The following PCDHA2 variants were observed in gnomAD, a reference collection of about 807,000 sequenced individuals.
PCDHA2 encodes protocadherin alpha 2, also known as protocadherin alpha-2.
A neutral mutation model predicts 66.0 loss-of-function variants in PCDHA2; 58 were observed. That is an observed-to-expected ratio of 0.88 (90% CI 0.71 to 1.09). PCDHA2 has a LOEUF of 1.09. Among genes scored for constraint, PCDHA2 ranks in the 50% least tolerant of loss-of-function variants. The pLI, the probability that PCDHA2 is intolerant of heterozygous loss-of-function variation, is 0.00. For missense variants in PCDHA2, 1,267 were observed against 1,242.3 expected (o/e 1.02, Z -0.30); for synonymous variants, 634 against 554.0 (o/e 1.14, Z -2.03).
chr5:140,805,698 GAATT>G (rs782460054), intron 1 of PCDHA2: 697 of 650,068 alleles, frequency 1.1e-3, no homozygotes, highest in Non-Finnish European at 1.3e-3. Context: ...TGATTACCAA[GAATT>G]AGAATAAAAA....
At chr5:140,883,130 G>C in intron 1 of PCDHA2, 1 of 1,614,062 alleles carries the variant, frequency 6.2e-7, no homozygotes, top group Non-Finnish European at 8.5e-7. Flanking sequence ...TGTATGGCCT[G>C]CAGTGGTATA....
intron 1 of PCDHA2, chr5:140,851,028 C>G: frequency 7.1e-7 from 1 of 1,410,134 alleles, no homozygotes. Flanking sequence ...AAAGTAAACC[C>G]CTTAACATTG....
At position 140,856,397 on chromosome 5, in the gene PCDHA2, C is replaced by T. The variant is rs782776522; in HGVS notation, c.2388+59045C>T. On this transcript the variant is annotated intron_variant, in intron 1 of 3. Coordinates refer to ENST00000526136, the MANE Select transcript of PCDHA2 (RefSeq NM_018905.3). ...CGTGGACAGGCCGCTGCAGGTTTTC[C>T]ATGTGGACGTGGAAGTGAAGGACAT... 3.6e-5 allele frequency: 58 copies of T among 1,598,382 alleles called. 7 individuals carry two copies. In the Admixed American group the frequency reaches 4.9e-4, roughly 13 times the overall value.
intron 1 of PCDHA2, among the ~76,000 whole-genome samples, chr5:140,956,583 C>T (rs155799): frequency 0.28 from 42,736 of 152,052 alleles, 6,865 homozygotes; most frequent in East Asian, 0.53. Context: ...TGCATTGATG[C>T]TTATCAGGGA....
chr5:140,927,309 C>T (rs2084071798), intron 1 of PCDHA2: 4 of 1,614,058 alleles, frequency 2.5e-6, no homozygotes, highest in Admixed American at 1.7e-5. Context: ...TCCTGACGCC[C>T]GGAGCCCGCT....
At chr5:140,862,592 A>T (rs1554156626) in intron 1 of PCDHA2, 1 of 507,612 alleles carries the variant, frequency 2.0e-6, no homozygotes, top group Non-Finnish European at 4.0e-6. Context: ...CAGCCCGAGT[A>T]CATGGTGTTC....
intron 3 of PCDHA2, chr5:140,988,966 GGA>G (rs1339632887): frequency 2.0e-5 from 3 of 152,162 alleles, no homozygotes; most frequent in African/African-American, 7.2e-5. Flanking sequence ...GCCCCACGAT[GGA>G]GAGAAGCAGG....
At chr5:140,869,548 G>T in intron 1 of PCDHA2, 1 of 1,614,202 alleles carries the variant, frequency 6.2e-7, no homozygotes, top group Non-Finnish European at 8.5e-7. Flanking sequence ...TAAGCAATCG[G>T]ACTCGCGTTT....
chr5:140,931,759 T>C (rs2087738384), intron 1 of PCDHA2, among the ~76,000 whole-genome samples: 2 of 151,994 alleles, frequency 1.3e-5, no homozygotes, highest in African/African-American at 4.8e-5. Flanking sequence ...GCATTTGTTA[T>C]TTACTTCTTC....
intron 1 of PCDHA2, chr5:140,812,217 A>G (rs1562234594): frequency 6.6e-6 from 1 of 151,494 alleles, no homozygotes; most frequent in East Asian, 1.9e-4. Flanking sequence ...CTTTGTTTAG[A>G]TTTTTTATGA....
At chr5:140,808,220 G>A (rs868947123) in intron 1 of PCDHA2, 7 of 1,614,204 alleles carry the variant, frequency 4.3e-6, no homozygotes, top group Non-Finnish European at 5.9e-6. Context: ...AGACAACAAC[G>A]ATAATGTCCC....
intron 1 of PCDHA2, chr5:140,801,924 G>A: frequency 6.2e-7 from 1 of 1,614,206 alleles, no homozygotes; most frequent in Non-Finnish European, 8.5e-7. Context: ...CCCAGCGTTT[G>A]AGAGGACGAT....
In PCDHA2 at chr5:140,875,833, G is replaced by T. The variant is rs782436615; in HGVS notation, c.2388+78481G>T. The stretch of plus-strand genomic sequence containing the variant: ...GCCGCTGCAGGTTTTCCATGTGGAC[G>T]TGGAGGTGAAGGACATTAACGACAA... On this transcript the variant is annotated intron_variant, in intron 1 of 3. Coordinates refer to ENST00000526136, the MANE Select transcript of PCDHA2 (RefSeq NM_018905.3). 2.3e-5 allele frequency: 37 copies of T among 1,614,100 alleles called. No homozygotes were observed. The Admixed American group carries it at 6.0e-4, about 26-fold the overall frequency.
intron 1 of PCDHA2, among the ~76,000 whole-genome samples, chr5:140,977,613 G>T (rs1554238687): frequency 2.0e-5 from 3 of 152,150 alleles, no homozygotes; most frequent in African/African-American, 7.2e-5. Flanking sequence ...TTGAGGTAAA[G>T]TATCCCAGAG....
rs1255289031 is a variant in PCDHA2 at position 141,010,188 on chromosome 5, T to C, written c.*251T>C. On this transcript the variant is annotated 3_prime_UTR_variant, in exon 4 of 4. Transcript: ENST00000526136. Reference sequence around the variant, plus strand: ...CAGAACCTAAAAAGCAGACCCAAGTTTCCTTTCTCCTCCGCCGCAAAGGAG... The same window carrying C: ...CAGAACCTAAAAAGCAGACCCAAGTCTCCTTTCTCCTCCGCCGCAAAGGAG... 1.3e-6 allele frequency: 2 copies of C among 1,552,952 alleles called. No individual in the cohort carries two copies. Among genetic ancestry groups the C allele is most frequent in the Non-Finnish European group, 8.7e-7 (1 of 1,147,482 alleles).
intron 1 of PCDHA2, chr5:140,852,674 C>G (rs1302085462): frequency 2.9e-5 from 28 of 966,250 alleles, no homozygotes; most frequent in African/African-American, 3.6e-5. Context: ...GCACAACTCA[C>G]CTTGAATATA....
chr5:140,911,885 A>T (rs1242639819), intron 1 of PCDHA2, among the ~76,000 whole-genome samples: 1 of 152,216 alleles, frequency 6.6e-6, no homozygotes, highest in Non-Finnish European at 1.5e-5. Flanking sequence ...TCCTGGGACC[A>T]AAATCTGTAT....
In PCDHA2 at chr5:140,841,904, G is replaced by C. The variant is rs2150325203; in HGVS notation, c.2388+44552G>C. On this transcript the variant is annotated intron_variant, in intron 1 of 3. Coordinates refer to ENST00000526136, the MANE Select transcript of PCDHA2 (RefSeq NM_018905.3). ...CGATGAGAATAAACTGGTTGAGCTCGTATTAAGAAAATCCTTGGACAGAGA... is the reference window on the plus strand; with the variant it reads ...CGATGAGAATAAACTGGTTGAGCTCCTATTAAGAAAATCCTTGGACAGAGA... 40 of 1,613,742 alleles carry C rather than the reference G, an allele frequency of 2.5e-5. 1 individual carries two copies. Among genetic ancestry groups the C allele is most frequent in the Non-Finnish European group, 3.2e-5 (38 of 1,179,858 alleles).
rs150205860 is a variant in PCDHA2 at position 140,883,142 on chromosome 5, G to T, written c.2388+85790G>T. The T allele has an allele frequency of 3.1e-6, 5 of 1,613,886 alleles. No individual in the cohort carries two copies. In the African/African-American group the frequency reaches 6.7e-5, roughly 22 times the overall value. On this transcript the variant is annotated intron_variant, in intron 1 of 3. Transcript: ENST00000526136. ...GCCTGTATGGCCTGCAGTGGTATAT[G>T]CATTTACCATAAATCCGAACAATGG...
Sources: allele counts gnomAD v4.1 joint callset (sites outside exome capture counted in the v4.1 genomes callset), GRCh38; gene constraint gnomAD v4.1.1; transcripts MANE v1.5; gene names NCBI Gene and HGNC (gene_info 2026-07-23, HGNC 2026-07-21).